Variants in SGSM3 observed in about 807,000 individuals in gnomAD.
SGSM3 encodes the protein small G protein signaling modulator 3.
Under a neutral mutation model 100.5 loss-of-function variants are expected in SGSM3, and 96 were observed. That is an observed-to-expected ratio of 0.96 (90% CI 0.81 to 1.13). SGSM3 has a LOEUF of 1.13. Among genes scored for constraint, SGSM3 ranks in the 50% most tolerant of loss-of-function variants. The pLI, the probability that SGSM3 is intolerant of heterozygous loss-of-function variation, is 0.00. For missense variants in SGSM3, 1,001 were observed against 1,015.8 expected (o/e 0.99, Z 0.20); for synonymous variants, 483 against 422.8 (o/e 1.14, Z -1.75).
intron 3 of SGSM3, 42 bp downstream of exon 3, chr22:40,401,717 C>A: frequency 6.4e-7 from 1 of 1,562,090 alleles, no homozygotes; most frequent in Non-Finnish European, 8.8e-7. Flanking sequence ...TGCTCCCACG[C>A]TGTGGTATGA....
chr22:40,393,730 C>T (rs1030423479), intron 1 of SGSM3, among the ~76,000 whole-genome samples: 1 of 152,146 alleles, frequency 6.6e-6, no homozygotes, highest in Admixed American at 6.5e-5. Context: ...GAAGTCCAAG[C>T]GTTTGTTGAG....
At chr22:40,404,115 A>C in intron 4 of SGSM3, 132 bp from the exon 5 acceptor site, 1 of 665,220 alleles carries the variant, frequency 1.5e-6, no homozygotes. Flanking sequence ...TAGCTATGGG[A>C]ATCTGGATAT....
chr22:40,389,835 C>T (rs929019016), intron 1 of SGSM3, among the ~76,000 whole-genome samples: 3 of 142,616 alleles, frequency 2.1e-5, no homozygotes, highest in Non-Finnish European at 3.0e-5. Flanking sequence ...ACCTGGGAGG[C>T]GGAAGTTGCA....
intron 1 of SGSM3, among the ~76,000 whole-genome samples, chr22:40,397,965 TGTC>T (rs1240760856): frequency 3.7e-4 from 55 of 148,470 alleles, no homozygotes; most frequent in African/African-American, 1.2e-3. Flanking sequence ...CATCCAATTC[TGTC>T]TTTTTTTTTT....
intron 1 of SGSM3, among the ~76,000 whole-genome samples, chr22:40,384,038 C>T (rs954675961): frequency 3.9e-5 from 6 of 152,146 alleles, no homozygotes; most frequent in African/African-American, 1.4e-4. Context: ...TGCTTGAGTG[C>T]AGGAGTTCAA....
rs376766702 is a variant in SGSM3, at chr22:40,409,575, C to T, written c.2172+50C>T. 8.4e-5 allele frequency: 136 copies of T among 1,612,792 alleles called. 1 individual carries two copies. Among genetic ancestry groups the T allele is most frequent in the African/African-American group, 3.2e-4 (24 of 74,868 alleles). On this transcript the variant is annotated intron_variant, in intron 21 of 21. Transcript: ENST00000248929. ...CCTGCACTGATGGAGCTGCCCAAACCGTTCGCGGGGTGGCTAAGGTGGGAA... is the reference window on the plus strand; with the variant it reads ...CCTGCACTGATGGAGCTGCCCAAACTGTTCGCGGGGTGGCTAAGGTGGGAA...
At chr22:40,399,208 A>T (rs9611332) in intron 1 of SGSM3, among the ~76,000 whole-genome samples, 2 of 101,832 alleles carry the variant, frequency 2.0e-5, no homozygotes, top group Admixed American at 1.4e-4. Flanking sequence ...CTGGTCTCAA[A>T]CTCCTGGCCT....
intron 18 of SGSM3, 42 bp downstream of exon 18, chr22:40,408,884 G>C: frequency 3.1e-6 from 5 of 1,613,968 alleles, no homozygotes; most frequent in South Asian, 1.1e-5. Flanking sequence ...ACCTCTCTGG[G>C]GTTAGCCTGT....
chr22:40,391,355 C>T (rs939373882), intron 1 of SGSM3, among the ~76,000 whole-genome samples: 1 of 152,198 alleles, frequency 6.6e-6, no homozygotes, highest in African/African-American at 2.4e-5. Flanking sequence ...CGTCTATAAT[C>T]CCAGCACTTT....
chr22:40,384,185 A>C (rs1440644957), intron 1 of SGSM3, among the ~76,000 whole-genome samples: 1 of 152,048 alleles, frequency 6.6e-6, no homozygotes, highest in Non-Finnish European at 1.5e-5. Flanking sequence ...TCAAGGCTGC[A>C]GTGAGTCATG....
chr22:40,384,568 C>T (rs1160220420), intron 1 of SGSM3, among the ~76,000 whole-genome samples: 1 of 152,174 alleles, frequency 6.6e-6, no homozygotes, highest in Non-Finnish European at 1.5e-5. Flanking sequence ...ATCACGAGGT[C>T]AGGAGATCGA....
intron 1 of SGSM3, among the ~76,000 whole-genome samples, chr22:40,398,177 G>A (rs535805035): frequency 1.3e-5 from 2 of 152,090 alleles, no homozygotes; most frequent in African/African-American, 4.8e-5. Context: ...ATGTTGGCCA[G>A]GATGGTCTCA....
intron 1 of SGSM3, chr22:40,376,159 G>A (rs949172705): frequency 1.4e-5 from 2 of 144,798 alleles, no homozygotes; most frequent in Non-Finnish European, 3.0e-5. Context: ...TTGAGGATAG[G>A]GTTAAAGTCA....
At chr22:40,385,614 A>G (rs538773010) in intron 1 of SGSM3, among the ~76,000 whole-genome samples, 3 of 152,334 alleles carry the variant, frequency 2.0e-5, no homozygotes, top group Admixed American at 2.0e-4. Context: ...GCTTAAGTCT[A>G]ATAAGCTGAG....
chr22:40,402,891 T>C (rs1190760284), intron 4 of SGSM3, among the ~76,000 whole-genome samples: 1 of 152,224 alleles, frequency 6.6e-6, no homozygotes, highest in Non-Finnish European at 1.5e-5. Context: ...AGTGGGCTAT[T>C]GGGAAGTCCA....
Position 40,406,674 on chromosome 22 carries a change from T to TG in SGSM3, c.1185+18dup, listed in dbSNP as rs748604688. The TG allele has an allele frequency of 7.1e-5, 114 of 1,600,858 alleles. 1 individual carries two copies. Among genetic ancestry groups the TG allele is most frequent in the South Asian group, 3.7e-4 (33 of 90,132 alleles). ...CCAACCTCTCTCAGGTGGCCCAGGA[T>TG]GGGGGGCCGCACCTTGACCCACAGC... is the stretch of plus-strand genomic sequence containing the variant. On this transcript the variant is annotated intron_variant, in intron 10 of 21. Coordinates refer to ENST00000248929, the MANE Select transcript of SGSM3 (RefSeq NM_015705.6).
intron 1 of SGSM3, among the ~76,000 whole-genome samples, chr22:40,383,560 T>C (rs2047938475): frequency 6.6e-6 from 1 of 151,586 alleles, no homozygotes; most frequent in South Asian, 2.1e-4. Flanking sequence ...AGCTAAGCAC[T>C]GAAAGAGGGA....
At chr22:40,392,037 T>C (rs2049414602) in intron 1 of SGSM3, among the ~76,000 whole-genome samples, 1 of 152,242 alleles carries the variant, frequency 6.6e-6, no homozygotes, top group Non-Finnish European at 1.5e-5. Flanking sequence ...TAAGTATCTC[T>C]TTTCCTTTAA....
chr22:40,409,022 AGT>A lies in SGSM3; in HGVS notation c.1988+8_1988+9del. The A allele has an allele frequency of 6.4e-7, 1 of 1,559,978 alleles. No individual in the cohort carries two copies. Among genetic ancestry groups the A allele is most frequent in the Non-Finnish European group, 8.7e-7 (1 of 1,151,984 alleles). On this transcript the variant is annotated splice_donor_5th_base_variant and intron_variant, in intron 19 of 21. Transcript: ENST00000248929. ...CACTGATCTGCGTGGGGCTCAAGTG[AGT>A]GTGGAAAAGGGGTTGGAGGAGAGCC... is the stretch of plus-strand genomic sequence containing the variant.
Sources: gnomAD v4.1 joint callset for allele counts (sites outside exome capture counted in the v4.1 genomes callset) on GRCh38, gnomAD v4.1.1 for gene constraint, MANE v1.5 for transcripts, NCBI Gene and HGNC (gene_info 2026-07-23, HGNC 2026-07-21) for gene names.